The following L2HGDH variants were observed in gnomAD, a reference collection of about 807,000 sequenced individuals.
L2HGDH encodes the protein L-2-hydroxyglutarate dehydrogenase, mitochondrial.
A neutral mutation model predicts 51.5 loss-of-function variants in L2HGDH; 34 were observed. The ratio of observed to expected loss-of-function variants is 0.66; its 90% CI spans 0.50 to 0.88. L2HGDH has a LOEUF of 0.88. L2HGDH is among the 40% of genes least tolerant of loss of function. The pLI is 0.00. For missense variants in L2HGDH, 558 were observed against 571.9 expected, an observed-to-expected ratio of 0.98 and a Z score of 0.25; for synonymous variants, 198 against 197.9, an observed-to-expected ratio of 1.00 and a Z score of -0.01.
At chr14:50,282,615 C>G (rs1890333537) in intron 5 of L2HGDH, 1 of 422,206 alleles carries the variant, frequency 2.4e-6, no homozygotes. Context: ...CTTGTACAAC[C>G]ATGGCCAAGT....
At chr14:50,302,827 C>T (rs2030492569) in intron 2 of L2HGDH, 75 bp downstream of exon 2, 2 of 972,138 alleles carry the variant, frequency 2.1e-6, no homozygotes, top group Admixed American at 1.7e-5. Flanking sequence ...TGACATTCAG[C>T]ATGAAAGATT....
At chr14:50,303,133 G>A (rs1459946479) in intron 1 of L2HGDH, 116 bp from the exon 2 acceptor site, 18 of 717,914 alleles carry the variant, frequency 2.5e-5, no homozygotes, top group African/African-American at 1.2e-4. Flanking sequence ...TCATGAAAAC[G>A]TATTCGGCGG....
chr14:50,255,777 A>G (rs1054013694), intron 9 of L2HGDH, among the ~76,000 whole-genome samples: 2 of 151,838 alleles, frequency 1.3e-5, no homozygotes, highest in African/African-American at 2.4e-5. Context: ...CTCAGGCCCA[A>G]TCCCACTTTG....
At chr14:50,283,127 G>A (rs1381432802) in intron 5 of L2HGDH, among the ~76,000 whole-genome samples, 1 of 152,174 alleles carries the variant, frequency 6.6e-6, no homozygotes, top group Non-Finnish European at 1.5e-5. Flanking sequence ...CTTGAGCCTG[G>A]GAGGTGAAGG....
intron 1 of L2HGDH, among the ~76,000 whole-genome samples, chr14:50,307,532 G>A (rs2030805812): frequency 6.6e-6 from 1 of 152,172 alleles, no homozygotes; most frequent in Admixed American, 6.5e-5. Context: ...TTAATCTCAA[G>A]TTAACACCAA....
chr14:50,253,170 A>T (rs1004701477), intron 9 of L2HGDH, among the ~76,000 whole-genome samples: 6 of 152,136 alleles, frequency 3.9e-5, no homozygotes, highest in Admixed American at 6.6e-5. Flanking sequence ...ATTAAACAAT[A>T]TGATCCAGAA....
chr14:50,286,750 C>T (rs923939734), intron 4 of L2HGDH, among the ~76,000 whole-genome samples: 1 of 152,118 alleles, frequency 6.6e-6, no homozygotes, highest in Non-Finnish European at 1.5e-5. Context: ...GAATATGCCT[C>T]TTTTGTAAGT....
chr14:50,283,362 G>C (rs1054407669), intron 5 of L2HGDH, among the ~76,000 whole-genome samples: 13 of 152,116 alleles, frequency 8.5e-5, no homozygotes, highest in African/African-American at 3.1e-4. Flanking sequence ...GGTTCTACCA[G>C]CACAAGACCC....
intron 9 of L2HGDH, among the ~76,000 whole-genome samples, 199 bp downstream of exon 9, chr14:50,265,159 C>A (rs140309926): frequency 3.3e-5 from 5 of 152,244 alleles, no homozygotes; most frequent in African/African-American, 1.2e-4. Flanking sequence ...TGGACCAGCA[C>A]TAAGGGCCAT....
Position 50,311,997 on chromosome 14 carries a change from C to T in L2HGDH, c.140+14G>A, listed in dbSNP as rs1432465772. 1.3e-6 allele frequency: 2 copies of T among 1,554,980 alleles called. No individual in the cohort carries two copies. Among genetic ancestry groups the T allele is most frequent in the Middle Eastern group, 4.3e-4 (2 of 4,606 alleles). On this transcript the variant is annotated intron_variant, in intron 1 of 9. Transcript: ENST00000267436. ...CAGCAGCGCAGGCGGCGGGGAGGAC[C>T]AGCGGCCACTCACCTGGTGCTGGCG...
intron 3 of L2HGDH, among the ~76,000 whole-genome samples, chr14:50,299,164 C>A (rs2030258264): frequency 6.6e-6 from 1 of 151,902 alleles, no homozygotes; most frequent in African/African-American, 2.4e-5. Flanking sequence ...CACAGTAATT[C>A]AAAAAATTGT....
chr14:50,305,445 G>A (rs933614542), intron 1 of L2HGDH, among the ~76,000 whole-genome samples: 1 of 152,186 alleles, frequency 6.6e-6, no homozygotes. Flanking sequence ...GGAAGTCCAA[G>A]CCTTTAAGCA....
At chr14:50,254,878 G>GA (rs201706273) in intron 9 of L2HGDH, among the ~76,000 whole-genome samples, 45 of 148,444 alleles carry the variant, frequency 3.0e-4, no homozygotes, top group South Asian at 6.4e-4. Context: ...ATATATACGA[G>GA]AAAAAAAAAA....
rs937974992 is a variant in L2HGDH, at chr14:50,312,103, G to C, written c.48C>G (p.Arg16=). ...CAGGGGAGCCACCGGCGAAAAGCCC[G>C]CGGGCCCGTCCGCAGGCACCAACCA... The part of the protein sequence containing the change: ...RYLVGACGRA[R]GLFAGGSPGA... Residue 16 remains arginine, a synonymous_variant, in exon 1 of 10, where the codon CGC becomes CGG. Coordinates refer to ENST00000267436, the MANE Select transcript of L2HGDH (RefSeq NM_024884.3). 1 of 1,608,302 alleles carries C rather than the reference G, an allele frequency of 6.2e-7. No homozygotes were observed. The highest frequency in any genetic ancestry group is 8.5e-7 in the Non-Finnish European group (1 of 1,178,300).
At chr14:50,252,481 G>A (rs567756057) in intron 9 of L2HGDH, among the ~76,000 whole-genome samples, 16 of 140,096 alleles carry the variant, frequency 1.1e-4, no homozygotes, top group Middle Eastern at 3.8e-3. Flanking sequence ...AAGACATAGA[G>A]TAGCTGAATG....
In L2HGDH at chr14:50,244,293, C is replaced by T. The variant is rs557155247; in HGVS notation, c.*2765G>A. 2.9e-5 allele frequency: 18 copies of T among 628,364 alleles called. No individual in the cohort carries two copies. The African/African-American group carries it at 3.4e-4, about 12-fold the overall frequency. The allele number at this position is 628,364 out of a possible 1,614,324, so 38.9% of individuals were successfully genotyped here. ...ACAATGGTTGAACTAGTTTACAGTCCCACCAACAGTGTAAAAGTGTTCCTA... is the reference window on the plus strand; with the variant it reads ...ACAATGGTTGAACTAGTTTACAGTCTCACCAACAGTGTAAAAGTGTTCCTA... On this transcript the variant is annotated 3_prime_UTR_variant, in exon 10 of 10. Transcript: ENST00000267436.
chr14:50,296,019 G>A (rs532551485), intron 3 of L2HGDH, among the ~76,000 whole-genome samples: 14 of 152,060 alleles, frequency 9.2e-5, no homozygotes, highest in African/African-American at 3.1e-4. Flanking sequence ...GATTACAGGC[G>A]TGAGCCACCA....
At chr14:50,253,451 C>G (rs930303797) in intron 9 of L2HGDH, among the ~76,000 whole-genome samples, 2 of 152,150 alleles carry the variant, frequency 1.3e-5, no homozygotes, top group Non-Finnish European at 2.9e-5. Context: ...CATCACTGAT[C>G]ATCAGAGAAA....
In L2HGDH at chr14:50,244,936, C is replaced by G. The variant is rs1887934896; in HGVS notation, c.*2122G>C. On this transcript the variant is annotated 3_prime_UTR_variant, in exon 10 of 10. Coordinates refer to ENST00000267436, the MANE Select transcript of L2HGDH (RefSeq NM_024884.3). ...TGCCTCACCTAAATGTGGTTCAGTA[C>G]TCAAAGTTCTGCAGTCAGGTCGCCA... The G allele has an allele frequency of 2.0e-6, 2 of 985,322 alleles. No individual in the cohort carries two copies. Among genetic ancestry groups the G allele is most frequent in the African/African-American group, 3.5e-5 (2 of 57,196 alleles). The allele number at this position is 985,322 out of a possible 1,614,324, so 61.0% of individuals were successfully genotyped here. A position where few individuals can be genotyped will look rare whatever the true frequency, so the allele number is the denominator to read the frequency against.
Sources: gnomAD v4.1 joint callset for allele counts (sites outside exome capture counted in the v4.1 genomes callset) on GRCh38, gnomAD v4.1.1 for gene constraint, MANE v1.5 for transcripts, NCBI Gene and HGNC (gene_info 2026-07-23, HGNC 2026-07-21) for gene names.